The following ACOT2 variants were observed in gnomAD, a reference collection of about 807,000 sequenced individuals.
ACOT2 encodes acyl-coenzyme A thioesterase 2, mitochondrial.
ACOT2 carries 15 observed loss-of-function variants against 20.1 expected under a neutral mutation model. The ratio of observed to expected loss-of-function variants is 0.75; its 90% CI spans 0.50 to 1.15. The LOEUF is 1.15. ACOT2 is among the 50% of genes most tolerant of loss of function. The pLI, the probability that ACOT2 is intolerant of heterozygous loss-of-function variation, is 0.00. For missense variants in ACOT2, 479 were observed against 615.3 expected (o/e 0.78, Z 2.34); for synonymous variants, 252 against 268.4 (o/e 0.94, Z 0.60).
chr14:73,568,757 T>C (rs145876016), upstream of ACOT2, among the ~76,000 whole-genome samples: 282 of 152,084 alleles, frequency 1.9e-3, 7 homozygotes, highest in Middle Eastern at 3.4e-3. Flanking sequence ...ATTTTTACAC[T>C]TGTAAGGAAT....
At chr14:73,569,975 C>CT (rs1407282030) in intron 1 of ACOT2, 92 bp downstream of exon 1, 4 of 1,460,258 alleles carry the variant, frequency 2.7e-6, no homozygotes, top group Admixed American at 4.7e-5. Flanking sequence ...TGTATGCCCC[C>CT]CCGCCGCGCC....
At chr14:73,571,292 C>G (rs1267389194) in intron 1 of ACOT2, 2 of 162,140 alleles carry the variant, frequency 1.2e-5, no homozygotes, top group Non-Finnish European at 2.7e-5. Flanking sequence ...AGCAAGTCCC[C>G]AAAGACCACG....
upstream of ACOT2, among the ~76,000 whole-genome samples, chr14:73,568,515 G>A (rs1224582857): frequency 6.6e-6 from 1 of 151,794 alleles, no homozygotes; most frequent in Non-Finnish European, 1.5e-5. Context: ...TGCAGTGATG[G>A]TAAACTGCCG....
In ACOT2 at chr14:73,573,561, G is replaced by T; in HGVS notation, c.817G>T (p.Ala273Ser). ...ETLHLEYFEE[A>S]MNYLLSHPEV... The stretch of plus-strand genomic sequence containing the variant: ...GCTCCATCTGGAGTACTTTGAAGAA[G>T]CCATGAACTACTTGCTCAGTCATCC... The change falls in exon 2 of 3, where the codon GCC (alanine) becomes TCC (serine). Residue 273 changes from alanine (A) to serine (S), a missense_variant. Physicochemically the swap from Ala to Ser is moderately conservative, Grantham distance 99. Around this residue, in one of 4 missense-constraint regions of ACOT2, gnomAD observed 400 missense variants for 395.5 expected, o/e 1.01. Transcript: ENST00000238651. 1 of 1,613,692 alleles carries T rather than the reference G, an allele frequency of 6.2e-7. No individual in the cohort carries two copies. Among genetic ancestry groups the T allele is most frequent in the East Asian group, 2.2e-5 (1 of 44,872 alleles).
In ACOT2 at chr14:73,569,634, G is replaced by A. The variant is rs776806726; in HGVS notation, c.394G>A (p.Gly132Ser). The A allele has an allele frequency of 1.7e-5, 28 of 1,602,590 alleles. No individual in the cohort carries two copies. The highest frequency in any genetic ancestry group is 1.5e-4 in the South Asian group (14 of 90,370). ...CCTGGAGCGCGCGCCCGCGCTGGGCGGCAGCTTCGCGGGGCTTGAGCCCAT... is the reference window on the plus strand; with the variant it reads ...CCTGGAGCGCGCGCCCGCGCTGGGCAGCAGCTTCGCGGGGCTTGAGCCCAT... The part of the protein sequence containing the change: ...LDLERAPALG[G>S]SFAGLEPMGL... The change falls in exon 1 of 3, where the codon GGC (glycine) becomes AGC (serine). Residue 132 changes from glycine (G) to serine (S), a missense_variant. By Grantham distance (56) the Gly-to-Ser change is moderately conservative (BLOSUM62 0). Transcript: ENST00000238651.
rs756249281 is a variant in ACOT2 at position 73,569,458 on chromosome 14, G to A, written c.218G>A (p.Gly73Asp). 6 of 1,613,538 alleles carry A rather than the reference G, an allele frequency of 3.7e-6. No homozygotes were observed. The highest frequency in any genetic ancestry group is 2.2e-5 in the South Asian group (2 of 91,048). The change falls in exon 1 of 3, where the codon GGC (glycine) becomes GAC (aspartate). Residue 73 changes from glycine (G) to aspartate (D), a missense_variant. Around this residue, in one of 4 missense-constraint regions of ACOT2, gnomAD observed 400 missense variants for 395.5 expected, o/e 1.01. Coordinates refer to ENST00000238651, the MANE Select transcript of ACOT2 (RefSeq NM_006821.6). ...MAATLILEPA[G>D]RCCWDEPVRI... ...GCGACGCTGATCCTGGAGCCTGCGG[G>A]CCGCTGCTGCTGGGACGAACCGGTG...
intron 1 of ACOT2, among the ~76,000 whole-genome samples, chr14:73,572,600 T>C (rs61987139): frequency 0.16 from 22,717 of 141,554 alleles, 2,080 homozygotes; most frequent in Non-Finnish European, 0.21. Context: ...GTATCAGCAC[T>C]GAACTATGTC....
Position 73,575,150 on chromosome 14 carries a change from A to C in ACOT2, c.1089A>C (p.Glu363Asp). The C allele has an allele frequency of 8.1e-7, 1 of 1,234,042 alleles. No individual in the cohort carries two copies. The highest frequency in any genetic ancestry group is 1.1e-6 in the Non-Finnish European group (1 of 892,676). 76.4% of individuals were successfully genotyped at this position (1,234,042 alleles called of 1,614,324 possible). A position where few individuals can be genotyped will look rare whatever the true frequency, so the allele number is the denominator to read the frequency against. The stretch of plus-strand genomic sequence containing the variant: ...TGGATGTCCTGAACAGCCCTTTGGA[A>C]GGACCTGACCAGAAGAGCTTCATTC... ...DIVDVLNSPL[E>D]GPDQKSFIPV... Residue 363 changes from glutamate (E) to aspartate (D), a missense_variant, in exon 3 of 3, where the codon GAA becomes GAC. Glu to Asp is a conservative substitution (Grantham distance 45). Coordinates refer to ENST00000238651, the MANE Select transcript of ACOT2 (RefSeq NM_006821.6).
intron 2 of ACOT2, chr14:73,574,447 G>A (rs1376417945): frequency 4.3e-5 from 11 of 257,484 alleles, no homozygotes. Context: ...TGTATTTTTA[G>A]TAGAGATGTT....
At chr14:73,570,987 TTTTA>T (rs1454265008) in intron 1 of ACOT2, among the ~76,000 whole-genome samples, 10 of 146,176 alleles carry the variant, frequency 6.8e-5, no homozygotes, top group South Asian at 4.3e-4. Context: ...TTTTTTTTTT[TTTTA>T]AATAAGAATT....
chr14:73,567,682 C>G (rs1889630523), upstream of ACOT2: 1 of 152,052 alleles, frequency 6.6e-6, no homozygotes, highest in South Asian at 2.1e-4. Context: ...CACAATAAAC[C>G]TTGCTACTGC....
In ACOT2 at chr14:73,569,226, C is replaced by G. The variant is rs1566858119; in HGVS notation, c.-15C>G. On this transcript the variant is annotated 5_prime_UTR_variant, in exon 1 of 3. Coordinates refer to ENST00000238651, the MANE Select transcript of ACOT2 (RefSeq NM_006821.6). ...GCCCTAGTGGGCGCTTAGCCTGCGA[C>G]GGCAGCCCGAGAGGATGTCTAACAA... The G allele has an allele frequency of 2.5e-6, 4 of 1,612,066 alleles. No individual in the cohort carries two copies. The South Asian group carries it at 3.3e-5, about 13-fold the overall frequency.
rs1182467866 is a variant in ACOT2, at chr14:73,569,849, G to C, written c.609G>C (p.Val203=). Residue 203 remains valine, a synonymous_variant, in exon 1 of 3, where the codon GTG becomes GTC. Coordinates refer to ENST00000238651, the MANE Select transcript of ACOT2 (RefSeq NM_006821.6). ...GGGTGCGGCGCGAGCCGGTGCGCGTGGGCCGGGTGCGAGGCACGCTCTTCC... is the reference window on the plus strand; with the variant it reads ...GGGTGCGGCGCGAGCCGGTGCGCGTCGGCCGGGTGCGAGGCACGCTCTTCC... ...PPGVRREPVR[V]GRVRGTLFLP... 6.2e-7 allele frequency: 1 copy of C among 1,604,978 alleles called. No homozygotes were observed. The highest frequency in any genetic ancestry group is 8.5e-7 in the Non-Finnish European group (1 of 1,176,316).
In ACOT2 at chr14:73,569,802, G is replaced by C. The variant is rs761134038; in HGVS notation, c.562G>C (p.Glu188Gln). ...GCGGCTGCTGTGCCAGACGCGGCAC[G>C]AGCGCTACTTCCTCCCGCCCGGGGT... The part of the protein sequence containing the change: ...PGRLLCQTRH[E>Q]RYFLPPGVRR... The change falls in exon 1 of 3, where the codon GAG becomes CAG. Residue 188 changes from glutamate (E) to glutamine (Q), a missense_variant. Physicochemically the swap from Glu to Gln is conservative, Grantham distance 29. Transcript: ENST00000238651. 1.2e-5 allele frequency: 20 copies of C among 1,602,974 alleles called. No individual in the cohort carries two copies. In the South Asian group the frequency reaches 2.0e-4, roughly 16 times the overall value.
At chr14:73,569,937 C>G in intron 1 of ACOT2, 54 bp downstream of exon 1, 2 of 1,548,262 alleles carry the variant, frequency 1.3e-6, no homozygotes, top group Non-Finnish European at 1.7e-6. Flanking sequence ...CTTTGTGTGT[C>G]TCCCCCGCCC....
Position 73,569,369 on chromosome 14 carries a change from G to C in ACOT2, c.129G>C (p.Gln43His), listed in dbSNP as rs750811614. The C allele has an allele frequency of 3.7e-6, 6 of 1,613,872 alleles. No individual in the cohort carries two copies. The Admixed American group carries it at 1.0e-4, about 27-fold the overall frequency. The change falls in exon 1 of 3, where the codon CAG becomes CAC. Residue 43 changes from glutamine to histidine, a missense_variant. Coordinates refer to ENST00000238651, the MANE Select transcript of ACOT2 (RefSeq NM_006821.6). ...LYQWSLKSSAQFLGSPQLRQV... is the reference protein window; with the variant it reads ...LYQWSLKSSAHFLGSPQLRQV... ...AATGGAGCCTGAAGAGTTCGGCGCA[G>C]TTCCTGGGGTCTCCACAGCTGAGGC... is the stretch of plus-strand genomic sequence containing the variant.
chr14:73,570,420 G>A (rs1042762815), intron 1 of ACOT2, among the ~76,000 whole-genome samples: 1 of 151,780 alleles, frequency 6.6e-6, no homozygotes, highest in Non-Finnish European at 1.5e-5. Context: ...ATACAAAACA[G>A]TAGCTGGGCG....
intron 2 of ACOT2, 44 bp from the exon 3 acceptor site, chr14:73,574,864 T>C: frequency 6.2e-7 from 1 of 1,613,018 alleles, no homozygotes; most frequent in East Asian, 2.2e-5. Context: ...TATTCCACTG[T>C]TTGTGGAATC....
At chr14:73,573,763 T>C (rs939261668) in intron 2 of ACOT2, among the ~76,000 whole-genome samples, 173 bp downstream of exon 2, 12 of 151,800 alleles carry the variant, frequency 7.9e-5, no homozygotes, top group Admixed American at 2.6e-4. Flanking sequence ...AGTCTCACTC[T>C]GTTGCCAGGC....
Sources: gnomAD v4.1 joint callset for allele counts (sites outside exome capture counted in the v4.1 genomes callset) on GRCh38, gnomAD v4.1.1 for gene constraint, gnomAD v4.1.1 regional missense constraint, MANE v1.5 for transcripts, NCBI Gene and HGNC (gene_info 2026-07-23, HGNC 2026-07-21) for gene names.